FSIP2: variants seen among roughly 807,000 people sequenced by gnomAD.
FSIP2 encodes fibrous sheath interacting protein 2, also known as fibrous sheath-interacting protein 2.
Under a neutral mutation model 510.5 loss-of-function variants are expected in FSIP2, and 367 were observed. The observed-to-expected ratio is 0.72, with a 90% confidence interval of 0.66 to 0.78. FSIP2 has a LOEUF of 0.78. FSIP2 is among the 30% of genes least tolerant of loss of function. The pLI is 0.00. For synonymous variants in FSIP2, 2,601 were observed against 2,732.2 expected (o/e 0.95, Z 1.50); for missense variants, 7,594 against 7,901.7 (o/e 0.96, Z 1.48).
intron 22 of FSIP2, among the ~76,000 whole-genome samples, chr2:185,832,530 T>C (rs1694126829): frequency 6.6e-6 from 1 of 151,862 alleles, no homozygotes; most frequent in African/African-American, 2.4e-5. Context: ...CTATCGCAAC[T>C]TATTAAGTAT....
In FSIP2 at chr2:185,794,342, T is replaced by C. The variant is rs770382805; in HGVS notation, c.7206T>C (p.Asp2402=). The change falls in exon 16 of 23, where the codon GAT becomes GAC. Residue 2402 remains aspartate, a synonymous_variant. Coordinates refer to ENST00000424728, the MANE Select transcript of FSIP2 (RefSeq NM_173651.4). ...ACAGTATGTTAAAGATGTTAGATGA[T>C]AAAAGATCTGTAAAGGAAATTTGTT... ...IVDSMLKMLD[D]KRSVKEICFN... is the part of the protein sequence containing the mutation. The C allele has an allele frequency of 4.6e-6, 7 of 1,516,870 alleles. No homozygotes were observed. The highest frequency in any genetic ancestry group is 6.1e-6 in the Non-Finnish European group (7 of 1,139,362). The allele number at this position is 1,516,870 out of a possible 1,614,324, so 94.0% of individuals were successfully genotyped here. A position where few individuals can be genotyped will look rare whatever the true frequency, so the allele number is the denominator to read the frequency against.
Position 185,791,901 on chromosome 2 carries a change from G to T in FSIP2, c.4765G>T (p.Val1589Phe). 3 of 1,534,004 alleles carry T rather than the reference G, an allele frequency of 2.0e-6. No individual in the cohort carries two copies. Among genetic ancestry groups the T allele is most frequent in the African/African-American group, 1.4e-5 (1 of 73,002 alleles). Residue 1589 changes from valine to phenylalanine, a missense_variant, in exon 16 of 23, where the codon GTT (valine) becomes TTT (phenylalanine). Val to Phe is a conservative substitution (Grantham distance 50, BLOSUM62 -1). Coordinates refer to ENST00000424728, the MANE Select transcript of FSIP2 (RefSeq NM_173651.4). ...KAVASDILNM[V>F]FAKLEGFANG... ...TGTAGCTTCAGATATTCTTAATATGGTTTTTGCTAAACTGGAAGGGTTTGC... is the reference window on the plus strand; with the variant it reads ...TGTAGCTTCAGATATTCTTAATATGTTTTTTGCTAAACTGGAAGGGTTTGC...
rs752536881 is a variant in FSIP2, at chr2:185,808,533, T to C, written c.19227T>C (p.Cys6409=). 1 of 1,612,646 alleles carries C rather than the reference T, an allele frequency of 6.2e-7. No homozygotes were observed. Among genetic ancestry groups the C allele is most frequent in the East Asian group, 2.2e-5 (1 of 44,718 alleles). ...SLIASDPEEH[C]LNPENTERIY... Reference sequence around the variant, plus strand: ...TAGCTTCTGATCCTGAAGAGCACTGTTTAAATCCAGAAAATACAGAAAGGA... The same window carrying C: ...TAGCTTCTGATCCTGAAGAGCACTGCTTAAATCCAGAAAATACAGAAAGGA... The change falls in exon 17 of 23, where the codon TGT becomes TGC. Residue 6409 remains cysteine (C), a synonymous_variant. Transcript: ENST00000424728.
chr2:185,754,630 T>C (rs1057166463), intron 8 of FSIP2, among the ~76,000 whole-genome samples: 5 of 151,498 alleles, frequency 3.3e-5, no homozygotes. Context: ...CCCTTAAAGC[T>C]ATTACCTATT....
Position 185,790,365 on chromosome 2 carries a change from C to G in FSIP2, c.3229C>G (p.His1077Asp), listed in dbSNP as rs199945866. 2 of 1,529,740 alleles carry G rather than the reference C, an allele frequency of 1.3e-6. No homozygotes were observed. Among genetic ancestry groups the G allele is most frequent in the Non-Finnish European group, 1.7e-6 (2 of 1,144,430 alleles). The allele number at this position is 1,529,740 out of a possible 1,614,324, so 94.8% of individuals were successfully genotyped here. Residue 1077 changes from histidine (H) to aspartate (D), a missense_variant, in exon 16 of 23, where the codon CAT becomes GAT. Transcript: ENST00000424728. ...ELKTEPPSTN[H>D]EDILKKKLSS... ...AAAGACTGAGCCACCATCTACTAAT[C>G]ATGAAGATATTTTAAAGAAAAAACT...
rs368751775 is a variant in FSIP2 at position 185,794,761 on chromosome 2, T to C, written c.7625T>C (p.Ile2542Thr). ...QSHINSVAND[I>T]VESVLGKMYL... ...CATATTAACAGTGTAGCAAATGACA[T>C]AGTTGAAAGTGTTTTGGGGAAAATG... is the stretch of plus-strand genomic sequence containing the variant. The change falls in exon 16 of 23, where the codon ATA becomes ACA. Residue 2542 changes from isoleucine to threonine, a missense_variant. Transcript: ENST00000424728. The C allele has an allele frequency of 9.8e-6, 15 of 1,533,940 alleles. No individual in the cohort carries two copies. Among genetic ancestry groups the C allele is most frequent in the African/African-American group, 2.7e-5 (2 of 72,872 alleles).
Position 185,792,952 on chromosome 2 carries a change from T to C in FSIP2, c.5816T>C (p.Leu1939Pro), listed in dbSNP as rs1283739053. The C allele has an allele frequency of 2.6e-6, 4 of 1,534,194 alleles. No individual in the cohort carries two copies. Among genetic ancestry groups the C allele is most frequent in the Non-Finnish European group, 2.6e-6 (3 of 1,145,682 alleles). The stretch of plus-strand genomic sequence containing the variant: ...TTTGCTACTTCCAAAGTAAAATCTC[T>C]CTTTTATTCTCAAGTCAACTTTACA... ...ETFATSKVKS[L>P]FYSQVNFTVP... The change falls in exon 16 of 23, where the codon CTC (leucine) becomes CCC (proline). Residue 1939 changes from leucine to proline, a missense_variant. Transcript: ENST00000424728.
intron 10 of FSIP2, among the ~76,000 whole-genome samples, chr2:185,761,428 G>C (rs1692347797): frequency 6.6e-6 from 1 of 151,110 alleles, no homozygotes; most frequent in Non-Finnish European, 1.5e-5. Context: ...GGTAATATAA[G>C]ATAAATTAAA....
chr2:185,819,003 A>G (rs1693870032), intron 19 of FSIP2, among the ~76,000 whole-genome samples: 1 of 151,920 alleles, frequency 6.6e-6, no homozygotes, highest in Non-Finnish European at 1.5e-5. Flanking sequence ...AATGCATGAA[A>G]CAGATAATAA....
At chr2:185,769,887 G>T (rs1692571682) in intron 13 of FSIP2, among the ~76,000 whole-genome samples, 1 of 152,084 alleles carries the variant, frequency 6.6e-6, no homozygotes, top group East Asian at 1.9e-4. Flanking sequence ...CCCATTGCTT[G>T]TTTTTGTCAG....
chr2:185,765,546 G>C (rs941635639), intron 13 of FSIP2: 3 of 152,020 alleles, frequency 2.0e-5, no homozygotes, highest in Non-Finnish European at 2.9e-5. Flanking sequence ...GGTTACTGTA[G>C]CCTTGTAGTA....
intron 19 of FSIP2, among the ~76,000 whole-genome samples, chr2:185,816,601 G>GC (rs1266731999): frequency 1.3e-5 from 2 of 151,880 alleles, no homozygotes; most frequent in African/African-American, 4.8e-5. Flanking sequence ...ACTTTGGGAG[G>GC]CAGAGGCATG....
At chr2:185,758,326 A>T (rs1446340364) in intron 9 of FSIP2, among the ~76,000 whole-genome samples, 1 of 151,128 alleles carries the variant, frequency 6.6e-6, no homozygotes, top group African/African-American at 2.4e-5. Flanking sequence ...TAGTTGAAGT[A>T]CGGACCCCTT....
intron 15 of FSIP2, chr2:185,788,320 C>G (rs1255615235): frequency 2.4e-5 from 4 of 166,582 alleles, no homozygotes; most frequent in East Asian, 3.3e-4. Flanking sequence ...TGTGCCTAGA[C>G]AGCAATTTAG....
chr2:185,808,040 A>G lies in FSIP2; in HGVS notation c.18734A>G (p.Asp6245Gly). ...TKESPTVPVA[D>G]NATIENIVNS... ...GAATCACCTACTGTGCCTGTAGCTG[A>G]TAATGCAACTATTGAAAACATAGTT... Residue 6245 changes from aspartate (D) to glycine (G), a missense_variant, in exon 17 of 23, where the codon GAT becomes GGT. Asp to Gly is a moderately conservative substitution (Grantham distance 94, BLOSUM62 -1). Transcript: ENST00000424728. 6.2e-7 allele frequency: 1 copy of G among 1,611,444 alleles called. No homozygotes were observed. The highest frequency in any genetic ancestry group is 8.5e-7 in the Non-Finnish European group (1 of 1,178,904).
chr2:185,788,693 T>C lies in FSIP2; in HGVS notation c.1557T>C (p.Val519=), dbSNP rs1693043880. 2 of 1,530,920 alleles carry C rather than the reference T, an allele frequency of 1.3e-6. No homozygotes were observed. Among genetic ancestry groups the C allele is most frequent in the Middle Eastern group, 1.7e-4 (1 of 5,964 alleles). 94.8% of individuals were successfully genotyped at this position (1,530,920 alleles called of 1,614,324 possible). A position where few individuals can be genotyped will look rare whatever the true frequency, so the allele number is the denominator to read the frequency against. ...NIIIQNVMTW[V]VATVTSILYP... ...TAATTCAGAATGTAATGACCTGGGTTGTGGCTACAGTGACCAGTATATTGT... is the reference window on the plus strand; with the variant it reads ...TAATTCAGAATGTAATGACCTGGGTCGTGGCTACAGTGACCAGTATATTGT... Residue 519 remains valine, a synonymous_variant, in exon 16 of 23, where the codon GTT becomes GTC. Coordinates refer to ENST00000424728, the MANE Select transcript of FSIP2 (RefSeq NM_173651.4).
rs371780682 is a variant in FSIP2, at chr2:185,807,495, A to C, written c.18189A>C (p.Lys6063Asn). Residue 6063 changes from lysine (K) to asparagine (N), a missense_variant, in exon 17 of 23, where the codon AAA becomes AAC. Lys to Asn is a moderately conservative substitution (Grantham distance 94, BLOSUM62 0). Transcript: ENST00000424728. ...SAVATEISQD[K>N]YMTIQYVETL... ...TTGCAACAGAGATCTCCCAAGATAAATATATGACTATACAGTATGTAGAAA... is the reference window on the plus strand; with the variant it reads ...TTGCAACAGAGATCTCCCAAGATAACTATATGACTATACAGTATGTAGAAA... 2 of 1,611,986 alleles carry C rather than the reference A, an allele frequency of 1.2e-6. No homozygotes were observed. The highest frequency in any genetic ancestry group is 1.7e-6 in the Non-Finnish European group (2 of 1,178,836).
chr2:185,758,603 T>C (rs36026587), intron 9 of FSIP2, among the ~76,000 whole-genome samples: 57,787 of 150,892 alleles, frequency 0.38, 11,796 homozygotes, highest in East Asian at 0.76. Context: ...GTCTTCATGT[T>C]GTAACACCTC....
At position 185,738,857 on chromosome 2, in the gene FSIP2, G is replaced by C; in HGVS notation, c.-38G>C. 1 of 1,528,858 alleles carries C rather than the reference G, an allele frequency of 6.5e-7. No individual in the cohort carries two copies. The highest frequency in any genetic ancestry group is 1.2e-5 in the South Asian group (1 of 83,818). 94.7% of individuals were successfully genotyped at this position (1,528,858 alleles called of 1,614,324 possible). The stretch of plus-strand genomic sequence containing the variant: ...AACGGGGTGCTAGAGAAGGAGAGCG[G>C]GGCGGGTGAGGAAGGGGCTGAGGGG... On this transcript the variant is annotated 5_prime_UTR_variant, in exon 1 of 23. Coordinates refer to ENST00000424728, the MANE Select transcript of FSIP2 (RefSeq NM_173651.4).
Sources: allele counts gnomAD v4.1 joint callset (sites outside exome capture counted in the v4.1 genomes callset), GRCh38; gene constraint gnomAD v4.1.1; transcripts MANE v1.5; gene names NCBI Gene and HGNC (gene_info 2026-07-23, HGNC 2026-07-21).